ADCY8: variants seen among roughly 807,000 people sequenced by gnomAD.
ADCY8 encodes adenylate cyclase type 8.
In ADCY8, 51 loss-of-function variants were observed where a neutral mutation model predicts 119.7. That is an observed-to-expected ratio of 0.43 (90% confidence interval 0.34 to 0.54). The LOEUF (loss-of-function observed/expected upper bound fraction) is 0.54, where lower values mean the gene tolerates loss of function less well. Ranked by LOEUF, ADCY8 falls within the 20% of genes least tolerant of loss-of-function variation. The pLI, the probability that ADCY8 is intolerant of heterozygous loss-of-function variation, is 0.03. For missense variants in ADCY8, 1,383 were observed against 1,598.8 expected, an observed-to-expected ratio of 0.87 and a Z score of 2.30; for synonymous variants, 665 against 651.0, an observed-to-expected ratio of 1.02 and a Z score of -0.33.
chr8:130,961,362 G>A (rs1432695633), intron 2 of ADCY8, among the ~76,000 whole-genome samples: 3 of 151,822 alleles, frequency 2.0e-5, no homozygotes, highest in Non-Finnish European at 4.4e-5. Flanking sequence ...CACCCACCTC[G>A]GTCTCCCAAA....
chr8:130,969,900 C>T (rs1387406083), intron 2 of ADCY8, among the ~76,000 whole-genome samples: 1 of 152,190 alleles, frequency 6.6e-6, no homozygotes, highest in Non-Finnish European at 1.5e-5. Context: ...TTATTAGGGT[C>T]ATTATCTCTG....
At chr8:131,038,850 C>T (rs929807759) in intron 1 of ADCY8, among the ~76,000 whole-genome samples, 12 of 152,240 alleles carry the variant, frequency 7.9e-5, no homozygotes, top group South Asian at 2.1e-4. Flanking sequence ...TGACATAACA[C>T]GTACAGTACT....
chr8:130,998,085 A>G (rs1472291231), intron 1 of ADCY8, among the ~76,000 whole-genome samples: 1 of 152,212 alleles, frequency 6.6e-6, no homozygotes, highest in Non-Finnish European at 1.5e-5. Flanking sequence ...CTGGCAGTGT[A>G]CAAAGCAGAT....
chr8:130,910,498 G>A (rs2130553058), intron 5 of ADCY8, among the ~76,000 whole-genome samples: 1 of 152,170 alleles, frequency 6.6e-6, no homozygotes, highest in East Asian at 1.9e-4. Context: ...ATGGTTTCCA[G>A]CTGCTCCTTC....
intron 1 of ADCY8, among the ~76,000 whole-genome samples, chr8:131,033,161 G>A (rs1019197683): frequency 1.3e-5 from 2 of 152,156 alleles, no homozygotes; most frequent in African/African-American, 4.8e-5. Context: ...GATGAATGTT[G>A]CAAGTGTCTC....
intron 7 of ADCY8, among the ~76,000 whole-genome samples, chr8:130,895,392 A>C (rs7001427): frequency 0.57 from 87,153 of 151,956 alleles, 26,991 homozygotes; most frequent in East Asian, 0.69. Flanking sequence ...GTCTGTGGTT[A>C]TACATAAGCC....
At position 131,003,203 on chromosome 8, in the gene ADCY8, C is replaced by A. The variant is rs527523368; in HGVS notation, c.961-12661G>T. Among the ~76,000 whole-genome samples the A allele has an allele frequency of 1.9e-4, 26 of 139,978 alleles. No individual in the cohort carries two copies. In the South Asian group the frequency reaches 3.1e-3, roughly 17 times the overall value. The allele number at this position is 139,978 out of a possible 152,430, so 91.8% of individuals were successfully genotyped here. Reference sequence around the variant, plus strand: ...CAGCCTGGGCAACAAGAGTGAAACACCATCACACACACACACACACACACA... The same window carrying A: ...CAGCCTGGGCAACAAGAGTGAAACAACATCACACACACACACACACACACA... On this transcript the variant is annotated intron_variant, in intron 1 of 17. Coordinates refer to ENST00000286355, the MANE Select transcript of ADCY8 (RefSeq NM_001115.3).
At chr8:131,004,659 T>G (rs1823058534) in intron 1 of ADCY8, among the ~76,000 whole-genome samples, 1 of 152,206 alleles carries the variant, frequency 6.6e-6, no homozygotes, top group Non-Finnish European at 1.5e-5. Context: ...ATTTACTGAG[T>G]GCCTCCTATA....
rs1820034782 is a variant in ADCY8, at chr8:130,913,296, A to AT, written c.1482-3431dup. On this transcript the variant is annotated intron_variant, in intron 5 of 17. Transcript: ENST00000286355. ...ATAATAAGTTTTATTTCTTTTTTCT[A>AT]TTTTTTTCTACCCATTAACCATCCC... 2.6e-5 allele frequency among the ~76,000 whole-genome samples: 4 copies of AT among 151,718 alleles called. No individual in the cohort carries two copies. The South Asian group carries it at 6.2e-4, about 24-fold the overall frequency.
chr8:130,973,925 G>A (rs1003954943), intron 2 of ADCY8, among the ~76,000 whole-genome samples: 4 of 152,200 alleles, frequency 2.6e-5, no homozygotes, highest in Non-Finnish European at 4.4e-5. Context: ...ATAGTTCTGA[G>A]TATATTGACT....
chr8:131,020,597 T>C (rs1823634355), intron 1 of ADCY8, among the ~76,000 whole-genome samples: 1 of 152,254 alleles, frequency 6.6e-6, no homozygotes, highest in Non-Finnish European at 1.5e-5. Flanking sequence ...ATTGGACTTC[T>C]CTACTTTTTA....
intron 1 of ADCY8, among the ~76,000 whole-genome samples, chr8:131,004,890 G>A (rs1486161373): frequency 6.6e-6 from 1 of 152,088 alleles, no homozygotes. Flanking sequence ...CAACTGGCTG[G>A]GATCATTCTG....
chr8:130,803,121 CCAAA>C (rs1488077673), intron 14 of ADCY8, among the ~76,000 whole-genome samples: 1 of 152,184 alleles, frequency 6.6e-6, no homozygotes, highest in East Asian at 1.9e-4. Context: ...CTGGAAGAAC[CCAAA>C]CAAAGACACA....
At chr8:130,825,069 G>A (rs1400079813) in intron 12 of ADCY8, among the ~76,000 whole-genome samples, 6 of 152,104 alleles carry the variant, frequency 3.9e-5, no homozygotes, top group African/African-American at 9.7e-5. Context: ...TTTAATTGAT[G>A]TGTAACAATT....
At chr8:130,979,675 C>T (rs1563753702) in intron 2 of ADCY8, among the ~76,000 whole-genome samples, 1 of 152,164 alleles carries the variant, frequency 6.6e-6, no homozygotes, top group East Asian at 1.9e-4. Context: ...GTTATTTAGC[C>T]TCTATGTTTT....
At chr8:130,801,737 G>A (rs1479478288) in intron 14 of ADCY8, among the ~76,000 whole-genome samples, 1 of 152,080 alleles carries the variant, frequency 6.6e-6, no homozygotes, top group African/African-American at 2.4e-5. Flanking sequence ...AGTCTAGCCT[G>A]CAGTCAAAGT....
chr8:130,970,402 C>T (rs1821889062), intron 2 of ADCY8, among the ~76,000 whole-genome samples: 2 of 152,090 alleles, frequency 1.3e-5, no homozygotes, highest in South Asian at 4.1e-4. Context: ...GAATGTAATG[C>T]CTGATGATTT....
At chr8:131,003,206 T>TCTCTCACACACACA (rs372048150) in intron 1 of ADCY8, among the ~76,000 whole-genome samples, 2 of 137,488 alleles carry the variant, frequency 1.5e-5, no homozygotes, top group African/African-American at 5.6e-5. Context: ...TGAAACACCA[T>TCTCTCACACACACA]CACACACACA....
At chr8:130,908,511 C>CA (rs111364640) in intron 6 of ADCY8, among the ~76,000 whole-genome samples, 7 of 151,770 alleles carry the variant, frequency 4.6e-5, no homozygotes, top group Non-Finnish European at 8.8e-5. Flanking sequence ...GCACAGTGTA[C>CA]AAAAAAAAGC....
Sources: allele counts gnomAD v4.1 joint callset (sites outside exome capture counted in the v4.1 genomes callset), GRCh38; gene constraint gnomAD v4.1.1; transcripts MANE v1.5; gene names NCBI Gene and HGNC (gene_info 2026-07-23, HGNC 2026-07-21).